Variants in ADCY3 observed in about 807,000 individuals in gnomAD.
ADCY3 encodes the protein adenylate cyclase type 3.
In ADCY3, 70 loss-of-function variants were observed where a neutral mutation model predicts 119.4. That is an observed-to-expected ratio of 0.59 (90% confidence interval 0.48 to 0.72). ADCY3 has a LOEUF of 0.72. Among genes scored for constraint, ADCY3 ranks in the 30% least tolerant of loss-of-function variants. The pLI is 0.00. For missense variants in ADCY3, 1,238 were observed against 1,541.6 expected (o/e 0.80, Z 3.30); for synonymous variants, 672 against 621.4 (o/e 1.08, Z -1.21).
At chr2:24,912,658 C>T (rs1471493463) in intron 2 of ADCY3, among the ~76,000 whole-genome samples, 1 of 151,890 alleles carries the variant, frequency 6.6e-6, no homozygotes, top group East Asian at 1.9e-4. Context: ...CCCAGTTACC[C>T]ACCCCTGGCC....
rs1008403930 is a variant in ADCY3, at chr2:24,919,989, C to G, written c.-504G>C. The stretch of plus-strand genomic sequence containing the variant: ...GGGGCTGAGGCTCAGGGGCAGGGGC[C>G]GTGCGGGGGCCGGCAGGCGCGGGCG... On this transcript the variant is annotated 5_prime_UTR_variant, in exon 1 of 22. Coordinates refer to ENST00000679454, the MANE Select transcript of ADCY3 (RefSeq NM_004036.5). This position sits in a 1 kb window ranked among gnomAD's most constrained non-coding sequence, Gnocchi z 5.5. 8 of 149,050 alleles carry G rather than the reference C, an allele frequency of 5.4e-5. No individual in the cohort carries two copies. Among genetic ancestry groups the G allele is most frequent in the Non-Finnish European group, 7.5e-5 (5 of 66,816 alleles). 9.2% of individuals were successfully genotyped at this position (149,050 alleles called of 1,614,324 possible). A position where few individuals can be genotyped will look rare whatever the true frequency, so the allele number is the denominator to read the frequency against.
At chr2:24,827,633 C>A in intron 14 of ADCY3, 25 bp from the exon 15 acceptor site, 2 of 1,570,842 alleles carry the variant, frequency 1.3e-6, no homozygotes, top group East Asian at 2.3e-5. Flanking sequence ...ACAGCACAGT[C>A]AGGCCCCATC....
intron 14 of ADCY3, 140 bp from the exon 15 acceptor site, chr2:24,827,748 C>T (rs551713709): frequency 2.8e-5 from 40 of 1,408,142 alleles, no homozygotes; most frequent in South Asian, 9.9e-5. Context: ...AACAGTGATA[C>T]GTCTGTGAGC....
At chr2:24,879,452 CAAAAAAAAAAAA>C (rs34029858) in intron 2 of ADCY3, among the ~76,000 whole-genome samples, 1 of 66,084 alleles carries the variant, frequency 1.5e-5, no homozygotes, top group South Asian at 5.4e-4. Context: ...GACTCTGTCT[CAAAAAAAAAAAA>C]AAAAAAAAAA....
At chr2:24,835,193 C>A (rs890785626) in intron 9 of ADCY3, among the ~76,000 whole-genome samples, 1 of 152,216 alleles carries the variant, frequency 6.6e-6, no homozygotes, top group Non-Finnish European at 1.5e-5. Context: ...GGAGGGTCCG[C>A]TAATGACAGC....
At chr2:24,837,232 A>C (rs113447224) in intron 8 of ADCY3, among the ~76,000 whole-genome samples, 187 bp from the exon 9 acceptor site, 5 of 152,342 alleles carry the variant, frequency 3.3e-5, no homozygotes, top group African/African-American at 9.6e-5. Context: ...GCAGTTGTTA[A>C]TAAAAGGATG....
chr2:24,828,120 C>A lies in ADCY3; in HGVS notation c.2214G>T (p.Thr738=), dbSNP rs766366885. 6.2e-7 allele frequency: 1 copy of A among 1,613,962 alleles called. No homozygotes were observed. The highest frequency in any genetic ancestry group is 1.3e-5 in the African/African-American group (1 of 74,912). ...AGCTGCCCTCCGTTTCCATCCCTGC[C>A]GTTGCATTGCTGGGTCCCGTGTAGT... ...LQYYTGPSNA[T]AGMETEGSCL... is the part of the protein sequence containing the mutation. The change falls in exon 14 of 22, where the codon ACG becomes ACT. Residue 738 remains threonine, a synonymous_variant. Coordinates refer to ENST00000679454, the MANE Select transcript of ADCY3 (RefSeq NM_004036.5).
chr2:24,840,936 G>GCTCC (rs1670925027), intron 6 of ADCY3, among the ~76,000 whole-genome samples: 1 of 152,236 alleles, frequency 6.6e-6, no homozygotes, highest in South Asian at 2.1e-4. Flanking sequence ...CCCTGTGGGG[G>GCTCC]TCCCAGCAAG....
intron 13 of ADCY3, 94 bp from the exon 14 acceptor site, chr2:24,828,255 C>A: frequency 1.4e-6 from 2 of 1,458,770 alleles, no homozygotes; most frequent in South Asian, 2.6e-5. Context: ...GCTCAGCTGC[C>A]ACCTCCCGCG....
intron 2 of ADCY3, among the ~76,000 whole-genome samples, chr2:24,902,034 CTGTGTGTGTG>C (rs57980321): frequency 0.052 from 6,400 of 122,302 alleles, 201 homozygotes; most frequent in Non-Finnish European, 0.073. Flanking sequence ...CATTTTAACT[CTGTGTGTGTG>C]TGTGTGTGTG....
intron 3 of ADCY3, among the ~76,000 whole-genome samples, chr2:24,864,061 C>T (rs547685923): frequency 1.3e-5 from 2 of 152,130 alleles, no homozygotes; most frequent in African/African-American, 2.4e-5. Flanking sequence ...CCAAGGCAGG[C>T]GGATCACCAG....
chr2:24,855,989 C>T (rs1442510079), intron 3 of ADCY3, among the ~76,000 whole-genome samples: 1 of 152,184 alleles, frequency 6.6e-6, no homozygotes, highest in Non-Finnish European at 1.5e-5. Flanking sequence ...CCCAGGGGCC[C>T]GAGCTGTTAC....
intron 12 of ADCY3, among the ~76,000 whole-genome samples, chr2:24,831,360 C>G (rs2148471409): frequency 6.6e-6 from 1 of 152,358 alleles, no homozygotes; most frequent in Middle Eastern, 3.4e-3. Flanking sequence ...CACTTCCTCT[C>G]TACCCAGGTT....
chr2:24,834,847 G>C lies in ADCY3; in HGVS notation c.1752C>G (p.His584Gln). The C allele has an allele frequency of 1.2e-6, 2 of 1,613,928 alleles. No individual in the cohort carries two copies. The highest frequency in any genetic ancestry group is 1.7e-6 in the Non-Finnish European group (2 of 1,180,010). ...CCTCGTTGAGCAGCTGGTTGAGCTC[G>C]TGCTCATCTTCAGAGGCATCCACCA... is the stretch of plus-strand genomic sequence containing the variant. ...DRVVDASEDE[H>Q]ELNQLLNEAL... The change falls in exon 10 of 22, where the codon CAC (histidine) becomes CAG (glutamine). Residue 584 changes from histidine (H) to glutamine (Q), a missense_variant. This residue lies in a region of ADCY3 where 499 missense variants were observed against 571.0 expected (regional missense o/e 0.87). Coordinates refer to ENST00000679454, the MANE Select transcript of ADCY3 (RefSeq NM_004036.5). This position sits in a 1 kb window ranked among gnomAD's most constrained non-coding sequence, Gnocchi z 4.2.
chr2:24,908,489 G>C (rs1486432898), intron 2 of ADCY3, among the ~76,000 whole-genome samples: 1 of 152,164 alleles, frequency 6.6e-6, no homozygotes, highest in Non-Finnish European at 1.5e-5. Flanking sequence ...GATGAAAAAA[G>C]GATAATGAAG....
chr2:24,872,847 C>G lies in ADCY3; in HGVS notation c.676-128G>C. 2 of 1,121,558 alleles carry G rather than the reference C, an allele frequency of 1.8e-6. No homozygotes were observed. The highest frequency in any genetic ancestry group is 2.4e-4 in the Middle Eastern group (1 of 4,176). 69.5% of individuals were successfully genotyped at this position (1,121,558 alleles called of 1,614,324 possible). On this transcript the variant is annotated intron_variant, in intron 2 of 21. Transcript: ENST00000679454. The surrounding 1 kb of genome is among the most constrained non-coding windows in gnomAD (Gnocchi z 4.4). The stretch of plus-strand genomic sequence containing the variant: ...AATCAAACCTCAAGTTGCCCAATGT[C>G]CAGGGAGGGGCCCAGCACAGCCTTG...
intron 2 of ADCY3, among the ~76,000 whole-genome samples, chr2:24,914,109 G>A (rs183803568): frequency 2.0e-3 from 301 of 152,292 alleles, no homozygotes; most frequent in African/African-American, 6.9e-3. Context: ...AAGTAATTCC[G>A]TAACAGGTCC....
intron 3 of ADCY3, among the ~76,000 whole-genome samples, chr2:24,853,005 G>GGTGTGTGTGTGTGT (rs58904311): frequency 6.3e-5 from 6 of 95,370 alleles, no homozygotes; most frequent in Non-Finnish European, 9.9e-5. Context: ...ACAGCTGGAG[G>GGTGTGTGTGTGTGT]GTGTGTGTGT....
chr2:24,824,385 C>G lies in ADCY3; in HGVS notation c.2729G>C (p.Arg910Thr). ...VARHFLGSKK[R>T]DEELYSQTYD... ...TGAGACCACACCCCTCACCTCATCT[C>G]TCTTCTTGGACCCCAGGAAATGGCG... is the stretch of plus-strand genomic sequence containing the variant. The change falls in exon 17 of 22, where the codon AGA becomes ACA. Residue 910 changes from arginine to threonine, a missense_variant. Physicochemically the swap from Arg to Thr is moderately conservative, Grantham distance 71. Coordinates refer to ENST00000679454, the MANE Select transcript of ADCY3 (RefSeq NM_004036.5). The G allele has an allele frequency of 6.2e-7, 1 of 1,614,174 alleles. No homozygotes were observed. The highest frequency in any genetic ancestry group is 2.2e-5 in the East Asian group (1 of 44,888).
Sources: allele counts gnomAD v4.1 joint callset (sites outside exome capture counted in the v4.1 genomes callset), GRCh38; gene constraint gnomAD v4.1.1; regional missense constraint gnomAD v4.1.1; non-coding constraint Gnocchi (gnomAD v3.1); transcripts MANE v1.5; gene names NCBI Gene and HGNC (gene_info 2026-07-23, HGNC 2026-07-21).